The following PDGFC variants were observed in gnomAD, a reference collection of about 807,000 sequenced individuals.
PDGFC encodes the protein platelet-derived growth factor C.
In PDGFC, 12 loss-of-function variants were observed where a neutral mutation model predicts 35.5. The observed-to-expected ratio is 0.34, with a 90% CI of 0.22 to 0.55. PDGFC has a LOEUF of 0.55. Ranked by LOEUF, PDGFC falls within the 20% of genes least tolerant of loss-of-function variation. The pLI, the probability that PDGFC is intolerant of heterozygous loss-of-function variation, is 0.91. For missense variants in PDGFC, 322 were observed against 412.4 expected (o/e 0.78, Z 1.90); for synonymous variants, 159 against 148.8 (o/e 1.07, Z -0.50).
chr4:156,961,116 T>G (rs1174842527), intron 1 of PDGFC, among the ~76,000 whole-genome samples: 1 of 152,156 alleles, frequency 6.6e-6, no homozygotes, highest in African/African-American at 2.4e-5. Flanking sequence ...TATCATCTGC[T>G]ACCAAAGCAA....
At chr4:156,764,736 T>G (rs1226077156) in intron 5 of PDGFC, among the ~76,000 whole-genome samples, 1 of 152,210 alleles carries the variant, frequency 6.6e-6, no homozygotes. Context: ...CTATTTTATG[T>G]TAGTACTGAT....
intron 1 of PDGFC, among the ~76,000 whole-genome samples, chr4:156,920,023 T>C (rs540457007): frequency 6.6e-6 from 1 of 152,018 alleles, no homozygotes; most frequent in African/African-American, 2.4e-5. Flanking sequence ...TGGCGCCTCC[T>C]CCCCTCCATC....
In PDGFC at chr4:156,970,946, G is replaced by A; in HGVS notation, c.-43C>T. On this transcript the variant is annotated 5_prime_UTR_variant, in exon 1 of 6. Coordinates refer to ENST00000502773, the MANE Select transcript of PDGFC (RefSeq NM_016205.3). ...GAGCTCACTCACGGCGGGCACTTTG[G>A]AAGCAGCGACTCCCGAGTCTCTTTC... 1.5e-6 allele frequency: 2 copies of A among 1,318,878 alleles called. No homozygotes were observed. The highest frequency in any genetic ancestry group is 2.2e-6 in the Non-Finnish European group (2 of 916,520). 81.7% of individuals were successfully genotyped at this position (1,318,878 alleles called of 1,614,324 possible).
At chr4:156,945,930 A>C (rs1355214666) in intron 1 of PDGFC, among the ~76,000 whole-genome samples, 1 of 152,102 alleles carries the variant, frequency 6.6e-6, no homozygotes. Flanking sequence ...GATCCAAATC[A>C]ACTACTGGAA....
rs576019735 is a variant in PDGFC, at chr4:156,937,206, G to A, written c.118+33580C>T. 9.2e-5 allele frequency among the ~76,000 whole-genome samples: 14 copies of A among 152,248 alleles called. No individual in the cohort carries two copies. The South Asian group carries it at 2.9e-3, about 32-fold the overall frequency. ...AAGAAAAGGATATACTAAGAGAATG[G>A]ATCAAGGATGCAATCTTGGAAACAT... On this transcript the variant is annotated intron_variant, in intron 1 of 5. Transcript: ENST00000502773.
chr4:156,960,022 T>A (rs1732304124), intron 1 of PDGFC, among the ~76,000 whole-genome samples: 1 of 151,860 alleles, frequency 6.6e-6, no homozygotes, highest in East Asian at 1.9e-4. Context: ...GCTTAAAACC[T>A]CAAGACTGCT....
chr4:156,932,147 T>G (rs1190897312), intron 1 of PDGFC, among the ~76,000 whole-genome samples: 1 of 152,206 alleles, frequency 6.6e-6, no homozygotes. Context: ...CACCTTCACA[T>G]TTCCTACAAT....
intron 1 of PDGFC, among the ~76,000 whole-genome samples, chr4:156,885,193 A>C (rs2111180638): frequency 6.6e-6 from 1 of 151,740 alleles, no homozygotes; most frequent in South Asian, 2.1e-4. Flanking sequence ...ACTTTACCTA[A>C]GCATTTAGTA....
chr4:156,901,804 G>C (rs1239977503), intron 1 of PDGFC, among the ~76,000 whole-genome samples: 2 of 151,922 alleles, frequency 1.3e-5, no homozygotes, highest in Admixed American at 6.6e-5. Context: ...GTAGAGACAG[G>C]GTTTTGTCAT....
At chr4:156,772,985 G>A in intron 3 of PDGFC, 92 bp from the exon 4 acceptor site, 4 of 808,758 alleles carry the variant, frequency 4.9e-6, no homozygotes, top group Non-Finnish European at 8.2e-6. Flanking sequence ...ACTGAGGCTG[G>A]AAATATGTGT....
rs1036982360 is a variant in PDGFC at position 156,842,082 on chromosome 4, C to T, written c.314+8139G>A. On this transcript the variant is annotated intron_variant, in intron 2 of 5. Transcript: ENST00000502773. ...CACGAAGAAAAAAGAGAAAGGCCATCTCTTCTATAACAGAATGGACATTTA... is the reference window on the plus strand; with the variant it reads ...CACGAAGAAAAAAGAGAAAGGCCATTTCTTCTATAACAGAATGGACATTTA... The T allele has an allele frequency of 2.6e-5, 4 of 152,140 alleles. No homozygotes were observed. In the East Asian group the frequency reaches 7.7e-4, roughly 29 times the overall value. The allele number at this position is 152,140 out of a possible 1,614,324, so 9.4% of individuals were successfully genotyped here.
Position 156,926,565 on chromosome 4 carries a change from G to A in PDGFC, c.118+44221C>T, listed in dbSNP as rs138802254. Among the ~76,000 whole-genome samples, 908 of 152,280 alleles carry A rather than the reference G, an allele frequency of 6.0e-3. 11 individuals are homozygous for A. Among genetic ancestry groups the A allele is most frequent in the African/African-American group, 0.018 (731 of 41,572 alleles). On this transcript the variant is annotated intron_variant, in intron 1 of 5. Coordinates refer to ENST00000502773, the MANE Select transcript of PDGFC (RefSeq NM_016205.3). Reference sequence around the variant, plus strand: ...GGGTAATTGGCCAAAACAAAGGGGCGACCAGCCCCATGCATGTCCAAAATT... The same window carrying A: ...GGGTAATTGGCCAAAACAAAGGGGCAACCAGCCCCATGCATGTCCAAAATT...
intron 1 of PDGFC, among the ~76,000 whole-genome samples, chr4:156,920,171 GCCAAATAAACCCC>G (rs1560873343): frequency 6.6e-6 from 1 of 152,166 alleles, no homozygotes; most frequent in Non-Finnish European, 1.5e-5. Flanking sequence ...ACAACTGTGA[GCCAAATAAACCCC>G]TTTGCTTTCT....
intron 2 of PDGFC, among the ~76,000 whole-genome samples, chr4:156,845,667 G>A (rs1317675876): frequency 6.6e-6 from 1 of 151,766 alleles, no homozygotes; most frequent in Non-Finnish European, 1.5e-5. Context: ...GGCCAATTTT[G>A]CCTCCATTTG....
chr4:156,946,392 T>C (rs1333417380), intron 1 of PDGFC, among the ~76,000 whole-genome samples: 1 of 152,096 alleles, frequency 6.6e-6, no homozygotes, highest in East Asian at 1.9e-4. Flanking sequence ...TATATATTAT[T>C]TCATCCAAGA....
At chr4:156,890,918 T>C (rs1466296744) in intron 1 of PDGFC, among the ~76,000 whole-genome samples, 1 of 151,880 alleles carries the variant, frequency 6.6e-6, no homozygotes, top group Non-Finnish European at 1.5e-5. Flanking sequence ...TATGTGTATA[T>C]GTGTGTGTGT....
At chr4:156,821,084 T>A (rs997345185) in intron 2 of PDGFC, among the ~76,000 whole-genome samples, 1 of 152,096 alleles carries the variant, frequency 6.6e-6, no homozygotes, top group Admixed American at 6.5e-5. Flanking sequence ...TAGAAGAGCC[T>A]GGCAATAATT....
chr4:156,804,516 T>C (rs1272245963), intron 3 of PDGFC, among the ~76,000 whole-genome samples: 3 of 151,978 alleles, frequency 2.0e-5, no homozygotes, highest in African/African-American at 7.2e-5. Flanking sequence ...ATGACATCCC[T>C]CTGCTCTCCA....
At chr4:156,851,339 A>G (rs575580665) in intron 1 of PDGFC, among the ~76,000 whole-genome samples, 36 of 152,312 alleles carry the variant, frequency 2.4e-4, no homozygotes, top group Middle Eastern at 3.4e-3. Flanking sequence ...ACAAATATGA[A>G]TTCTAAATCT....
Sources: allele counts gnomAD v4.1 joint callset (sites outside exome capture counted in the v4.1 genomes callset), GRCh38; gene constraint gnomAD v4.1.1; transcripts MANE v1.5; gene names NCBI Gene and HGNC (gene_info 2026-07-23, HGNC 2026-07-21).